CACNA2D1: variants seen among roughly 807,000 people sequenced by gnomAD.
CACNA2D1 encodes the protein voltage-dependent calcium channel subunit alpha-2/delta-1.
A neutral mutation model predicts 171.5 loss-of-function variants in CACNA2D1; 53 were observed. The observed-to-expected ratio is 0.31, with a 90% confidence interval of 0.25 to 0.39. The LOEUF (loss-of-function observed/expected upper bound fraction) is 0.39, where lower values mean the gene tolerates loss of function less well. CACNA2D1 is among the 10% of genes least tolerant of loss of function. The probability of loss-of-function intolerance (pLI) is 1.00; values close to 1 mark genes in which losing one functional copy is unlikely to be tolerated. For missense variants in CACNA2D1, 903 were observed against 1,299.8 expected (o/e 0.69, Z 4.69); for synonymous variants, 442 against 443.1 (o/e 1.00, Z 0.03).
chr7:81,952,958 A>C (rs1029851828), intron 38 of CACNA2D1, among the ~76,000 whole-genome samples: 1 of 152,008 alleles, frequency 6.6e-6, no homozygotes, highest in African/African-American at 2.4e-5. Flanking sequence ...ACCAGTAAAT[A>C]GCATGGCATG....
intron 4 of CACNA2D1, among the ~76,000 whole-genome samples, chr7:82,141,510 G>A (rs1792382563): frequency 1.3e-5 from 2 of 152,022 alleles, no homozygotes; most frequent in South Asian, 4.2e-4. Flanking sequence ...GGAGATTTTG[G>A]GGTTTCAACA....
rs187998787 is a variant in CACNA2D1 at position 82,073,808 on chromosome 7, C to T, written c.659-7284G>A. 4.2e-3 allele frequency among the ~76,000 whole-genome samples: 637 copies of T among 152,118 alleles called. 4 individuals carry two copies. The highest frequency in any genetic ancestry group is 0.015 in the African/African-American group (613 of 41,486). On this transcript the variant is annotated intron_variant, in intron 7 of 38. Transcript: ENST00000356860. ...TAGATACGGGGTTTCATCATGTTGA[C>T]CAGGCTGGTCTCGAACTCCTGACCT...
At chr7:82,288,439 AC>A (rs1357518615) in intron 3 of CACNA2D1, among the ~76,000 whole-genome samples, 4 of 151,180 alleles carry the variant, frequency 2.6e-5, no homozygotes, top group Admixed American at 2.6e-4. Flanking sequence ...ACACACACAC[AC>A]ACACACACAC....
At chr7:82,437,162 A>C (rs1830171907) in intron 1 of CACNA2D1, among the ~76,000 whole-genome samples, 1 of 152,180 alleles carries the variant, frequency 6.6e-6, no homozygotes. Flanking sequence ...AGAGAAACAC[A>C]TTTTAAAATT....
At chr7:82,328,382 CTGAT>C (rs1816901813) in intron 3 of CACNA2D1, among the ~76,000 whole-genome samples, 1 of 152,064 alleles carries the variant, frequency 6.6e-6, no homozygotes, top group African/African-American at 2.4e-5. Context: ...TTTATATCTT[CTGAT>C]TGTTCTCAGT....
rs550080929 is a variant in CACNA2D1, at chr7:82,400,188, C to A, written c.95+43177G>T. ...TAGGATTGACTTGGCGATGCGGGCT[C>A]TTTTTTGGTTCCATATGAACTTTAA... On this transcript the variant is annotated intron_variant, in intron 1 of 38. Transcript: ENST00000356860. 2.6e-5 allele frequency among the ~76,000 whole-genome samples: 4 copies of A among 151,042 alleles called. No individual in the cohort carries two copies. The South Asian group carries it at 8.5e-4, about 32-fold the overall frequency.
intron 5 of CACNA2D1, among the ~76,000 whole-genome samples, chr7:82,127,366 T>C (rs1790450440): frequency 6.6e-6 from 1 of 152,218 alleles, no homozygotes; most frequent in Non-Finnish European, 1.5e-5. Flanking sequence ...GAAGCAAAAT[T>C]AACATTTTCA....
chr7:82,112,480 A>G (rs1788579663), intron 6 of CACNA2D1, among the ~76,000 whole-genome samples: 1 of 152,220 alleles, frequency 6.6e-6, no homozygotes, highest in Admixed American at 6.5e-5. Context: ...ATGCAGATAC[A>G]GACTTTAGAG....
intron 5 of CACNA2D1, among the ~76,000 whole-genome samples, chr7:82,133,140 G>A (rs1791198514): frequency 3.9e-5 from 6 of 151,976 alleles, no homozygotes; most frequent in Admixed American, 3.9e-4. Context: ...TGCTTTACTT[G>A]AGCAATGACA....
At chr7:81,996,433 A>G (rs1405741223) in intron 19 of CACNA2D1, among the ~76,000 whole-genome samples, 1 of 152,074 alleles carries the variant, frequency 6.6e-6, no homozygotes, top group East Asian at 1.9e-4. Flanking sequence ...GGCATTTGCA[A>G]GGGAGTTAAT....
At chr7:82,414,380 G>T (rs1827968537) in intron 1 of CACNA2D1, among the ~76,000 whole-genome samples, 1 of 152,074 alleles carries the variant, frequency 6.6e-6, no homozygotes, top group Non-Finnish European at 1.5e-5. Context: ...TGTACCCAAG[G>T]ACCCCTGGCT....
At chr7:82,078,775 AAATAT>A (rs1440483121) in intron 7 of CACNA2D1, among the ~76,000 whole-genome samples, 2 of 152,190 alleles carry the variant, frequency 1.3e-5, no homozygotes, top group Non-Finnish European at 2.9e-5. Flanking sequence ...ACAGGTACAG[AAATAT>A]AATATGACTT....
chr7:82,305,311 G>A (rs1438673451), intron 3 of CACNA2D1, among the ~76,000 whole-genome samples: 2 of 152,014 alleles, frequency 1.3e-5, no homozygotes, highest in Non-Finnish European at 2.9e-5. Flanking sequence ...AAAATATTTC[G>A]CTCCAAAATA....
intron 2 of CACNA2D1, among the ~76,000 whole-genome samples, chr7:82,340,406 A>C (rs1818487458): frequency 6.6e-6 from 1 of 151,416 alleles, no homozygotes; most frequent in Non-Finnish European, 1.5e-5. Context: ...CTCAGGCTTA[A>C]GCAATCCTCC....
chr7:82,358,300 G>A (rs906379395), intron 1 of CACNA2D1, among the ~76,000 whole-genome samples: 9 of 152,100 alleles, frequency 5.9e-5, no homozygotes, highest in African/African-American at 1.9e-4. Context: ...ATGAAATTTC[G>A]CTAAATATGC....
At chr7:82,247,541 C>T (rs908246666) in intron 3 of CACNA2D1, among the ~76,000 whole-genome samples, 8 of 151,920 alleles carry the variant, frequency 5.3e-5, no homozygotes, top group Non-Finnish European at 1.5e-5. Flanking sequence ...ATCAAAAGGC[C>T]CAATCCTTCT....
intron 12 of CACNA2D1, among the ~76,000 whole-genome samples, chr7:82,019,240 A>G (rs529843902): frequency 3.9e-5 from 6 of 152,250 alleles, no homozygotes; most frequent in African/African-American, 1.2e-4. Flanking sequence ...GAATTACTTG[A>G]ACCCGGGAGG....
intron 3 of CACNA2D1, among the ~76,000 whole-genome samples, chr7:82,187,610 A>G (rs368773882): frequency 1.3e-5 from 2 of 152,212 alleles, no homozygotes; most frequent in Non-Finnish European, 1.5e-5. Context: ...GATAGCCATC[A>G]ATGAATTAGA....
At position 82,367,149 on chromosome 7, in the gene CACNA2D1, A is replaced by G. The variant is rs150072004; in HGVS notation, c.96-17500T>C. The stretch of plus-strand genomic sequence containing the variant: ...GGTCTCAAACTCCTGGGCTCAAGCA[A>G]TCTTTCCACCTCAGCCTCCCAAAGG... On this transcript the variant is annotated intron_variant, in intron 1 of 38. Transcript: ENST00000356860. Among the ~76,000 whole-genome samples the G allele has an allele frequency of 2.5e-3, 379 of 151,780 alleles. 3 individuals are homozygous for G. The highest frequency in any genetic ancestry group is 8.6e-3 in the African/African-American group (357 of 41,430).
Sources: allele counts gnomAD v4.1 joint callset (sites outside exome capture counted in the v4.1 genomes callset), GRCh38; gene constraint gnomAD v4.1.1; transcripts MANE v1.5; gene names NCBI Gene and HGNC (gene_info 2026-07-23, HGNC 2026-07-21).